The following CSMD1 variants were observed in gnomAD, a reference collection of about 807,000 sequenced individuals.
CSMD1 encodes CUB and sushi domain-containing protein 1.
Under a neutral mutation model 417.5 loss-of-function variants are expected in CSMD1, and 213 were observed. The ratio of observed to expected loss-of-function variants is 0.51; its 90% CI spans 0.46 to 0.57. CSMD1 has a LOEUF of 0.57. CSMD1 is among the 20% of genes least tolerant of loss of function. The pLI, the probability that CSMD1 is intolerant of heterozygous loss-of-function variation, is 0.00. For synonymous variants in CSMD1, 2,862 were observed against 1,736.8 expected (o/e 1.65, Z -16.11); for missense variants, 6,923 against 4,529.7 (o/e 1.53, Z -15.17).
intron 3 of CSMD1, among the ~76,000 whole-genome samples, chr8:4,057,393 T>C (rs1798751524): frequency 1.3e-5 from 2 of 151,582 alleles, no homozygotes; most frequent in Non-Finnish European, 2.9e-5. Context: ...TGTTTTTTTC[T>C]TGTAAATTTG....
At chr8:4,201,540 C>CAAAAAAAAAAAAAAAAAAAAAAAAAAAA (rs1157479482) in intron 3 of CSMD1, among the ~76,000 whole-genome samples, 1 of 59,030 alleles carries the variant, frequency 1.7e-5, no homozygotes, top group African/African-American at 7.2e-5. Context: ...TCTGTCTCCA[C>CAAAAAAAAAAAAAAAAAAAAAAAAAAAA]AAAAAAAAAA....
intron 1 of CSMD1, among the ~76,000 whole-genome samples, chr8:4,831,961 A>T (rs1254717210): frequency 1.3e-5 from 2 of 152,150 alleles, no homozygotes; most frequent in Non-Finnish European, 2.9e-5. Context: ...TGTCTGGGAG[A>T]AAAAGTGAGG....
At chr8:3,541,867 G>A (rs1422047425) in intron 10 of CSMD1, among the ~76,000 whole-genome samples, 2 of 151,918 alleles carry the variant, frequency 1.3e-5, no homozygotes, top group African/African-American at 4.8e-5. Flanking sequence ...TTCGAGACCA[G>A]CCTGGCCAAA....
chr8:4,680,223 G>A lies in CSMD1; in HGVS notation c.86-42665C>T, dbSNP rs143128075. 2.0e-5 allele frequency among the ~76,000 whole-genome samples: 3 copies of A among 152,304 alleles called. No individual in the cohort carries two copies. In the East Asian group the frequency reaches 5.8e-4, roughly 29 times the overall value. ...ATTGTGTTCTGCAAAAATGCATGCT[G>A]TGCTTCTGGACATTCCGCTGATTTT... On this transcript the variant is annotated intron_variant, in intron 1 of 69. Coordinates refer to ENST00000635120, the MANE Select transcript of CSMD1 (RefSeq NM_033225.6).
chr8:3,634,889 G>A (rs1051479957), intron 7 of CSMD1, among the ~76,000 whole-genome samples: 5 of 152,108 alleles, frequency 3.3e-5, no homozygotes, highest in African/African-American at 7.2e-5. Context: ...AGTAGAGCCT[G>A]CTGGGCTATA....
intron 2 of CSMD1, among the ~76,000 whole-genome samples, chr8:4,487,528 G>C (rs1472713867): frequency 1.3e-5 from 2 of 152,170 alleles, no homozygotes; most frequent in African/African-American, 4.8e-5. Context: ...GTATTCCATG[G>C]TGTACATGTG....
intron 3 of CSMD1, among the ~76,000 whole-genome samples, chr8:4,292,526 ACAGCC>A (rs1797430839): frequency 6.6e-6 from 1 of 152,144 alleles, no homozygotes; most frequent in Non-Finnish European, 1.5e-5. Flanking sequence ...TGCTGGGATT[ACAGCC>A]CAGGCGTGAG....
chr8:4,756,844 A>T lies in CSMD1; in HGVS notation c.86-119286T>A, dbSNP rs546361239. Among the ~76,000 whole-genome samples the T allele has an allele frequency of 2.0e-5, 3 of 152,316 alleles. No individual in the cohort carries two copies. In the South Asian group the frequency reaches 6.2e-4, roughly 32 times the overall value. On this transcript the variant is annotated intron_variant, in intron 1 of 69. Transcript: ENST00000635120. Reference sequence around the variant, plus strand: ...AGCTGGGCCCAGGTATAACACAGTGACTGAAAAAGGGTGGACTTCACTTTT... The same window carrying T: ...AGCTGGGCCCAGGTATAACACAGTGTCTGAAAAAGGGTGGACTTCACTTTT...
chr8:4,989,328 G>A (rs781631323), intron 1 of CSMD1, among the ~76,000 whole-genome samples: 2 of 151,806 alleles, frequency 1.3e-5, no homozygotes, highest in East Asian at 1.9e-4. Context: ...GTGCCACAGC[G>A]TCAGATTGGT....
At chr8:3,520,994 G>A (rs899261025) in intron 10 of CSMD1, among the ~76,000 whole-genome samples, 1 of 151,974 alleles carries the variant, frequency 6.6e-6, no homozygotes, top group Non-Finnish European at 1.5e-5. Context: ...CAAAGTCAAA[G>A]CCCTCTCTGG....
At chr8:3,782,677 A>C (rs952052614) in intron 5 of CSMD1, among the ~76,000 whole-genome samples, 3 of 152,230 alleles carry the variant, frequency 2.0e-5, no homozygotes, top group Non-Finnish European at 4.4e-5. Context: ...CAGAGTCAAC[A>C]ATGTTTGAGA....
At chr8:3,646,278 C>A (rs1378077937) in intron 7 of CSMD1, among the ~76,000 whole-genome samples, 3 of 152,030 alleles carry the variant, frequency 2.0e-5, no homozygotes, top group Non-Finnish European at 4.4e-5. Flanking sequence ...TGTAATTTTT[C>A]TCAGTTGTAA....
chr8:3,215,407 A>G (rs141430344), intron 29 of CSMD1, among the ~76,000 whole-genome samples: 73 of 152,360 alleles, frequency 4.8e-4, no homozygotes, highest in African/African-American at 1.7e-3. Context: ...TTGAGGGCTC[A>G]TTATGTACCA....
intron 49 of CSMD1, among the ~76,000 whole-genome samples, chr8:3,082,722 GCC>G (rs750092823): frequency 3.3e-5 from 5 of 152,186 alleles, no homozygotes; most frequent in Non-Finnish European, 5.9e-5. Flanking sequence ...ACATCGCTTT[GCC>G]TGTACTCTTG....
At chr8:4,379,374 G>T (rs532339085) in intron 3 of CSMD1, among the ~76,000 whole-genome samples, 1 of 152,306 alleles carries the variant, frequency 6.6e-6, no homozygotes, top group South Asian at 2.1e-4. Flanking sequence ...TAAATAGAAT[G>T]TAGAATTTTG....
At chr8:3,560,129 G>A (rs1799407061) in intron 10 of CSMD1, among the ~76,000 whole-genome samples, 2 of 152,236 alleles carry the variant, frequency 1.3e-5, no homozygotes, top group Non-Finnish European at 2.9e-5. Flanking sequence ...GTAGTGCTGG[G>A]TTCAGCAAAG....
intron 5 of CSMD1, among the ~76,000 whole-genome samples, chr8:3,973,723 C>G (rs940405595): frequency 6.6e-6 from 1 of 152,212 alleles, no homozygotes; most frequent in African/African-American, 2.4e-5. Context: ...TTTGCAAGAA[C>G]AGTGGCTATT....
chr8:4,482,795 G>C (rs577460135), intron 2 of CSMD1, among the ~76,000 whole-genome samples: 2 of 152,234 alleles, frequency 1.3e-5, no homozygotes, highest in Admixed American at 6.5e-5. Flanking sequence ...ATTCTGACTG[G>C]TGTGAGACAG....
At chr8:3,571,411 T>G (rs1024131663) in intron 10 of CSMD1, among the ~76,000 whole-genome samples, 2 of 152,164 alleles carry the variant, frequency 1.3e-5, no homozygotes, top group Non-Finnish European at 2.9e-5. Context: ...GAACATATAT[T>G]GTTCTGAACT....
Sources: gnomAD v4.1 joint callset for allele counts (sites outside exome capture counted in the v4.1 genomes callset) on GRCh38, gnomAD v4.1.1 for gene constraint, MANE v1.5 for transcripts, NCBI Gene and HGNC (gene_info 2026-07-23, HGNC 2026-07-21) for gene names.